CEP152: variants seen among roughly 807,000 people sequenced by gnomAD.
The protein encoded by CEP152 is centrosomal protein 152.
Under a neutral mutation model 188.9 loss-of-function variants are expected in CEP152, and 132 were observed. The observed-to-expected ratio is 0.70, with a 90% CI of 0.61 to 0.81. The LOEUF (loss-of-function observed/expected upper bound fraction) is 0.81, where lower values mean the gene tolerates loss of function less well. Among genes scored for constraint, CEP152 ranks in the 30% least tolerant of loss-of-function variants. CEP152 has a pLI of 0.00. For synonymous variants in CEP152, 649 were observed against 666.6 expected (o/e 0.97, Z 0.41); for missense variants, 1,914 against 1,969.8 (o/e 0.97, Z 0.54).
At chr15:48,770,086 T>C (rs1371391799) in intron 13 of CEP152, among the ~76,000 whole-genome samples, 1 of 152,252 alleles carries the variant, frequency 6.6e-6, no homozygotes, top group Non-Finnish European at 1.5e-5. Flanking sequence ...TATTTTCCTC[T>C]GAGAGTTTTC....
chr15:48,784,164 T>C, intron 9 of CEP152, 44 bp from the exon 10 acceptor site: 1 of 1,572,580 alleles, frequency 6.4e-7, no homozygotes, highest in East Asian at 2.3e-5. Flanking sequence ...ATAAAGAGTT[T>C]TAATAAAGAG....
In CEP152 at chr15:48,739,163, A is replaced by G. The variant is rs1892783005; in HGVS notation, c.4219T>C (p.Cys1407Arg). The G allele has an allele frequency of 2.5e-6, 4 of 1,614,164 alleles. No homozygotes were observed. The East Asian group carries it at 6.7e-5, about 27-fold the overall frequency. Residue 1407 changes from cysteine to arginine, a missense_variant, in exon 27 of 27, where the codon TGC becomes CGC. By Grantham distance (180) the Cys-to-Arg change is radical. Coordinates refer to ENST00000380950, the MANE Select transcript of CEP152 (RefSeq NM_001194998.2). ...NSVNTITRTL[C>R]EQAPKRRAAC... is the part of the protein sequence containing the mutation. ...GCCCTCCTCTTGGGAGCTTGTTCGC[A>G]CAGAGTTCTGGTGATGGTGTTTACA...
intron 2 of CEP152, among the ~76,000 whole-genome samples, chr15:48,732,471 G>A (rs1340984390): frequency 1.3e-5 from 2 of 151,956 alleles, no homozygotes; most frequent in African/African-American, 4.8e-5. Flanking sequence ...ACTCATAAGT[G>A]AGTGAGAACA....
intron 1 of CEP152, among the ~76,000 whole-genome samples, 181 bp from the exon 2 acceptor site, chr15:48,805,837 A>T (rs561059036): frequency 3.9e-5 from 6 of 152,244 alleles, no homozygotes; most frequent in African/African-American, 1.4e-4. Context: ...GCTATATGAC[A>T]GCAATTCATG....
intron 12 of CEP152, 33 bp downstream of exon 12, chr15:48,781,163 C>T (rs1331736092): frequency 3.7e-5 from 59 of 1,596,560 alleles, no homozygotes; most frequent in Non-Finnish European, 5.1e-5. Flanking sequence ...AATGTTGGTT[C>T]TTCTACAGTA....
At chr15:48,746,486 A>G (rs114738321) in intron 22 of CEP152, among the ~76,000 whole-genome samples, 2,614 of 152,276 alleles carry the variant, frequency 0.017, 80 homozygotes, top group African/African-American at 0.06. Context: ...GGCCTCTACT[A>G]AAGAGCTAAG....
chr15:48,800,629 G>A (rs1010236226), intron 2 of CEP152, among the ~76,000 whole-genome samples: 5 of 152,084 alleles, frequency 3.3e-5, no homozygotes, highest in African/African-American at 1.2e-4. Context: ...ATCCTTATAA[G>A]TGATAAGATT....
intron 19 of CEP152, among the ~76,000 whole-genome samples, chr15:48,758,073 C>A (rs1479699470): frequency 6.6e-6 from 1 of 152,212 alleles, no homozygotes; most frequent in African/African-American, 2.4e-5. Context: ...TCCTGATGCC[C>A]AGGCCAGGGC....
At chr15:48,744,422 T>C in intron 23 of CEP152, 79 bp from the exon 24 acceptor site, 2 of 1,569,402 alleles carry the variant, frequency 1.3e-6, no homozygotes, top group South Asian at 1.2e-5. Flanking sequence ...TGTATCCATA[T>C]ACTCTAATAA....
intron 2 of CEP152, among the ~76,000 whole-genome samples, chr15:48,802,986 T>A (rs1897768083): frequency 6.6e-6 from 1 of 152,154 alleles, no homozygotes; most frequent in South Asian, 2.1e-4. Flanking sequence ...GCAGTGAAAA[T>A]CAGGACTATC....
rs1415479457 is a variant in CEP152, at chr15:48,760,365, A to G, written c.2563-99T>C. On this transcript the variant is annotated intron_variant, in intron 18 of 26. Transcript: ENST00000380950. ...TTATGATTTCAGTATTTTATACTGT[A>G]TATCACTACATAATAAAGTCAAACT... 4 of 1,377,810 alleles carry G rather than the reference A, an allele frequency of 2.9e-6. No individual in the cohort carries two copies. In the African/African-American group the frequency reaches 4.3e-5, roughly 15 times the overall value. The allele number at this position is 1,377,810 out of a possible 1,614,324, so 85.3% of individuals were successfully genotyped here.
chr15:48,757,882 T>A (rs1894391393), intron 19 of CEP152, among the ~76,000 whole-genome samples: 1 of 152,250 alleles, frequency 6.6e-6, no homozygotes, highest in Admixed American at 6.5e-5. Flanking sequence ...TGCCTGGAAG[T>A]CATTCCCAGG....
intron 12 of CEP152, among the ~76,000 whole-genome samples, chr15:48,776,276 C>T (rs993113094): frequency 6.6e-6 from 1 of 152,020 alleles, no homozygotes; most frequent in African/African-American, 2.4e-5. Context: ...ATAGAAAGTA[C>T]TAGAGAAATA....
chr15:48,803,755 T>A (rs2140927793), intron 2 of CEP152, among the ~76,000 whole-genome samples: 1 of 152,324 alleles, frequency 6.6e-6, no homozygotes, highest in Non-Finnish European at 1.5e-5. Context: ...TCTAAAATTT[T>A]AACCACACAA....
At chr15:48,765,423 G>GTT (rs538116029) in intron 17 of CEP152, among the ~76,000 whole-genome samples, 1 of 149,864 alleles carries the variant, frequency 6.7e-6, no homozygotes. Context: ...TCTAAGTTTG[G>GTT]TTTTTTTTTG....
intron 21 of CEP152, among the ~76,000 whole-genome samples, chr15:48,751,350 C>G (rs942753581): frequency 5.9e-5 from 9 of 152,092 alleles, no homozygotes; most frequent in Non-Finnish European, 1.2e-4. Context: ...CTATTCCAAA[C>G]AGGGCATAAA....
intron 2 of CEP152, chr15:48,729,273 CGCCTGT>C (rs1892345731): frequency 6.6e-6 from 1 of 152,202 alleles, no homozygotes; most frequent in Admixed American, 6.5e-5. Context: ...CAGTGGCTCA[CGCCTGT>C]AATCTCAACA....
intron 9 of CEP152, 88 bp downstream of exon 9, chr15:48,788,713 T>C: frequency 8.1e-7 from 1 of 1,233,572 alleles, no homozygotes; most frequent in Non-Finnish European, 1.2e-6. Flanking sequence ...CATCCAAGAC[T>C]TCTATATGAT....
Position 48,797,661 on chromosome 15 carries a change from A to T in CEP152, c.261T>A (p.Asn87Lys), listed in dbSNP as rs980124786. 3 of 1,614,134 alleles carry T rather than the reference A, an allele frequency of 1.9e-6. No individual in the cohort carries two copies. The highest frequency in any genetic ancestry group is 2.5e-6 in the Non-Finnish European group (3 of 1,180,014). ...EQMLPKSQSV[N>K]GYNEIQSLYA... ...AGTCATCATCACACCAGATACTTACATTTACACTTTGAGATTTGGGCAGCA... is the reference window on the plus strand; with the variant it reads ...AGTCATCATCACACCAGATACTTACTTTTACACTTTGAGATTTGGGCAGCA... The change falls in exon 4 of 27, where the codon AAT becomes AAA. Residue 87 changes from asparagine to lysine, a missense_variant and splice_region_variant. Physicochemically the swap from Asn to Lys is moderately conservative, Grantham distance 94 (BLOSUM62 0). Coordinates refer to ENST00000380950, the MANE Select transcript of CEP152 (RefSeq NM_001194998.2).
Sources: allele counts gnomAD v4.1 joint callset (sites outside exome capture counted in the v4.1 genomes callset), GRCh38; gene constraint gnomAD v4.1.1; transcripts MANE v1.5; gene names NCBI Gene and HGNC (gene_info 2026-07-23, HGNC 2026-07-21).